DCX: variants seen among roughly 807,000 people sequenced by gnomAD.
DCX encodes the protein neuronal migration protein doublecortin.
DCX carries 4 observed loss-of-function variants against 20.9 expected under a neutral mutation model. The observed-to-expected ratio is 0.19, with a 90% CI of 0.09 to 0.44. DCX has a LOEUF of 0.44. DCX is among the 20% of genes least tolerant of loss of function. The probability of loss-of-function intolerance (pLI) is 0.99; values close to 1 mark genes in which losing one functional copy is unlikely to be tolerated. For missense variants in DCX, 133 were observed against 296.9 expected, an observed-to-expected ratio of 0.45 and a Z score of 4.06; for synonymous variants, 103 against 111.4, an observed-to-expected ratio of 0.92 and a Z score of 0.47.
intron 3 of DCX, among the ~76,000 whole-genome samples, chrX:111,361,376 G>A (rs1164819472): frequency 1.8e-5 from 2 of 112,009 alleles, no homozygotes; most frequent in East Asian, 5.6e-4. Flanking sequence ...ACTAGTAAGA[G>A]GAATTTTTGT....
At chrX:111,303,242 C>T (rs752779580) in intron 6 of DCX, among the ~76,000 whole-genome samples, 85 of 109,738 alleles carry the variant, frequency 7.7e-4, no homozygotes, top group African/African-American at 2.7e-3. Context: ...CGCCCACCAC[C>T]ACGCCTGGCT....
intron 3 of DCX, among the ~76,000 whole-genome samples, chrX:111,394,169 T>C (rs967086170): frequency 1.8e-5 from 2 of 111,792 alleles, no homozygotes; most frequent in Non-Finnish European, 3.8e-5. Context: ...ATAAAAGAAA[T>C]GAAGTACCAA....
intron 3 of DCX, among the ~76,000 whole-genome samples, chrX:111,337,386 GA>G (rs199522043): frequency 4.7e-5 from 5 of 106,336 alleles, no homozygotes; most frequent in African/African-American, 6.8e-5. Flanking sequence ...CTCTTCCTTT[GA>G]AAAAAAAAAC....
chrX:111,360,616 A>G (rs1924133551), intron 3 of DCX, among the ~76,000 whole-genome samples: 1 of 111,866 alleles, frequency 8.9e-6, no homozygotes, highest in Admixed American at 9.5e-5. Flanking sequence ...TTGTAACACA[A>G]AGGATAAATG....
chrX:111,398,544 C>T (rs768859528), intron 3 of DCX, among the ~76,000 whole-genome samples: 5 of 110,985 alleles, frequency 4.5e-5, no homozygotes, highest in Non-Finnish European at 9.4e-5. Flanking sequence ...CCACTGGGCA[C>T]CACTCTATTT....
intron 5 of DCX, among the ~76,000 whole-genome samples, chrX:111,313,913 G>C (rs747425980): frequency 3.1e-5 from 3 of 97,245 alleles, no homozygotes; most frequent in Admixed American, 1.1e-4. Context: ...GAGAAAGAGT[G>C]GGGGGGAGGG....
At chrX:111,406,083 A>T (rs768863040) in intron 2 of DCX, among the ~76,000 whole-genome samples, 1 of 112,685 alleles carries the variant, frequency 8.9e-6, no homozygotes, top group Admixed American at 9.4e-5. Context: ...AAAAAATTAA[A>T]ACAGATTTCT....
chrX:111,400,964 G>A (rs1225574559), intron 3 of DCX, 26 bp downstream of exon 3: 1 of 1,188,530 alleles, frequency 8.4e-7, no homozygotes, highest in Non-Finnish European at 1.1e-6. Flanking sequence ...GAAAAAACGG[G>A]AAAAGTACTT....
intron 1 of DCX, chrX:111,411,002 A>G: frequency 8.9e-7 from 1 of 1,128,785 alleles, no homozygotes; most frequent in African/African-American, 1.8e-5. Context: ...TTCCTACTCT[A>G]ATGTGTGCAT....
intron 3 of DCX, among the ~76,000 whole-genome samples, chrX:111,377,316 C>T (rs2147720940): frequency 8.9e-6 from 1 of 111,946 alleles, no homozygotes; most frequent in South Asian, 3.7e-4. Flanking sequence ...AGCTGTTTCA[C>T]ACTGATAGAC....
chrX:111,392,179 A>T (rs1052835114), intron 3 of DCX, among the ~76,000 whole-genome samples: 14 of 111,947 alleles, frequency 1.3e-4, no homozygotes, highest in Non-Finnish European at 2.6e-4. Context: ...TAGAAAAAAA[A>T]GATTGTGAAT....
At chrX:111,397,696 G>A (rs754887546) in intron 3 of DCX, among the ~76,000 whole-genome samples, 6 of 111,666 alleles carry the variant, frequency 5.4e-5, no homozygotes, top group Admixed American at 1.9e-4. Flanking sequence ...TTAAAGTTAC[G>A]GTAGTTAGTT....
chrX:111,395,702 G>T (rs977891386), intron 3 of DCX, among the ~76,000 whole-genome samples: 1 of 112,140 alleles, frequency 8.9e-6, no homozygotes, highest in Admixed American at 9.5e-5. Context: ...TGGAGAAGGA[G>T]AATTTTGGTA....
chrX:111,354,369 G>A (rs1318234337), intron 3 of DCX, among the ~76,000 whole-genome samples: 1 of 111,054 alleles, frequency 9.0e-6, no homozygotes, highest in Non-Finnish European at 1.9e-5. Flanking sequence ...CCCATTATGC[G>A]AATTACCCTT....
chrX:111,410,824 T>C lies in DCX; in HGVS notation c.-22-404A>G, dbSNP rs775093729. 1.3e-4 allele frequency: 162 copies of C among 1,209,286 alleles called. No individual in the cohort carries two copies. The South Asian group carries it at 2.1e-3, about 15-fold the overall frequency. ...AAACTGGCATCTGTTTCCTCACACATGCCCACATGACTAACAGTTGTAAAT... is the reference window on the plus strand; with the variant it reads ...AAACTGGCATCTGTTTCCTCACACACGCCCACATGACTAACAGTTGTAAAT... On this transcript the variant is annotated intron_variant, in intron 1 of 6. Coordinates refer to ENST00000636035, the MANE Select transcript of DCX (RefSeq NM_001195553.2).
chrX:111,305,354 A>G (rs1399378524), intron 6 of DCX, among the ~76,000 whole-genome samples: 1 of 112,368 alleles, frequency 8.9e-6, no homozygotes, highest in African/African-American at 3.2e-5. Flanking sequence ...AGTTTGCAAC[A>G]TAATGTTATG....
intron 3 of DCX, among the ~76,000 whole-genome samples, chrX:111,379,115 G>A (rs181190769): frequency 5.7e-4 from 64 of 112,147 alleles, no homozygotes; most frequent in African/African-American, 1.9e-3. Flanking sequence ...AGCACAAATG[G>A]AAGTTTTAGT....
At chrX:111,366,317 T>C (rs1312694975) in intron 3 of DCX, among the ~76,000 whole-genome samples, 3 of 111,697 alleles carry the variant, frequency 2.7e-5, no homozygotes, top group Non-Finnish European at 5.6e-5. Context: ...TCCCCTGACA[T>C]TGTAGACTGA....
chrX:111,377,638 A>G lies in DCX; in HGVS notation c.705+23352T>C, dbSNP rs1603420796. ...CTACGTGTGAAAATGAGAGGGTTGAAGGAGGAGTGGGAATGCTTCCCAGAG... is the reference window on the plus strand; with the variant it reads ...CTACGTGTGAAAATGAGAGGGTTGAGGGAGGAGTGGGAATGCTTCCCAGAG... On this transcript the variant is annotated intron_variant, in intron 3 of 6. Coordinates refer to ENST00000636035, the MANE Select transcript of DCX (RefSeq NM_001195553.2). Among the ~76,000 whole-genome samples the G allele has an allele frequency of 2.7e-5, 3 of 111,683 alleles. 1 individual carries two copies. The Admixed American group carries it at 2.8e-4, about 11-fold the overall frequency.
Sources: gnomAD v4.1 joint callset for allele counts (sites outside exome capture counted in the v4.1 genomes callset) on GRCh38, gnomAD v4.1.1 for gene constraint, MANE v1.5 for transcripts, NCBI Gene and HGNC (gene_info 2026-07-23, HGNC 2026-07-21) for gene names.